The following NKAP variants were observed in gnomAD, a reference collection of about 807,000 sequenced individuals.
NKAP encodes the protein NFKB activating protein.
NKAP carries 4 observed loss-of-function variants against 35.6 expected under a neutral mutation model. That is an observed-to-expected ratio of 0.11 (90% CI 0.06 to 0.26). NKAP has a LOEUF of 0.26. Ranked by LOEUF, NKAP falls within the 10% of genes least tolerant of loss-of-function variation. NKAP has a pLI of 1.00. For missense variants in NKAP, 238 were observed against 321.9 expected (o/e 0.74, Z 1.99); for synonymous variants, 106 against 119.2 (o/e 0.89, Z 0.72).
intron 5 of NKAP, among the ~76,000 whole-genome samples, chrX:119,933,463 C>T (rs942597289): frequency 9.0e-6 from 1 of 111,611 alleles, no homozygotes; most frequent in African/African-American, 3.3e-5. Context: ...AGTATTCTTG[C>T]CCCAACTCAA....
At position 119,936,401 on chromosome X, in the gene NKAP, T is replaced by C. The variant is rs759889966; in HGVS notation, c.569A>G (p.Lys190Arg). The C allele has an allele frequency of 2.0e-5, 23 of 1,172,348 alleles. No homozygotes were observed. The highest frequency in any genetic ancestry group is 3.6e-5 in the African/African-American group (2 of 55,371). Residue 190 changes from lysine (K) to arginine (R), a missense_variant, in exon 4 of 9, where the codon AAA (lysine) becomes AGA (arginine). Lys to Arg is a conservative substitution (Grantham distance 26). Transcript: ENST00000371410. The stretch of plus-strand genomic sequence containing the variant: ...CTTTCTCCTTTTCTTGGACCTTTCT[T>C]TTGAACGGCTAGACTTCTTCTTTTT... ...EEKKKKSSRS[K>R]ERSKKRRKKK...
Position 119,943,592 on chromosome X carries a change from G to C in NKAP, c.14C>G (p.Ser5Cys), listed in dbSNP as rs747622402. The C allele has an allele frequency of 1.7e-6, 2 of 1,183,067 alleles. No individual in the cohort carries two copies. The highest frequency in any genetic ancestry group is 2.3e-5 in the Admixed American group (1 of 44,059). The change falls in exon 1 of 9, where the codon TCC becomes TGC. Residue 5 changes from serine to cysteine, a missense_variant. By Grantham distance (112) the Ser-to-Cys change is moderately radical. This residue lies in a region of NKAP where 123 missense variants were observed against 115.3 expected (regional missense o/e 1.07). Transcript: ENST00000371410. MAPV[S>C]GSRSPDREAS... ...CTCCCTATCCGGGCTGCGTGAGCCGGACACCGGAGCCATGGCTACTGGGGG... is the reference window on the plus strand; with the variant it reads ...CTCCCTATCCGGGCTGCGTGAGCCGCACACCGGAGCCATGGCTACTGGGGG...
At chrX:119,934,678 T>A in intron 4 of NKAP, 121 bp from the exon 5 acceptor site, 2 of 442,875 alleles carry the variant, frequency 4.5e-6, no homozygotes, top group Non-Finnish European at 7.5e-6. Flanking sequence ...ATTACCTCAT[T>A]GAAACATTTA....
chrX:119,931,852 T>TA (rs1238135110), intron 7 of NKAP, 84 bp downstream of exon 7: 22 of 707,592 alleles, frequency 3.1e-5, no homozygotes, highest in Non-Finnish European at 4.3e-5. Flanking sequence ...AATAAGGGAA[T>TA]AGAGTCAGAT....
chrX:119,922,550 A>C lies in NKAP; in HGVS notation c.*2670T>G, dbSNP rs2056692649. Reference sequence around the variant, plus strand: ...TGAGACCAGCCTGGGCAATAAGGTGAAACCTTGTCTCTACTAACTATACAA... The same window carrying C: ...TGAGACCAGCCTGGGCAATAAGGTGCAACCTTGTCTCTACTAACTATACAA... On this transcript the variant is annotated 3_prime_UTR_variant, in exon 9 of 9. Transcript: ENST00000371410. The C allele has an allele frequency of 9.0e-6, 1 of 110,842 alleles. No individual in the cohort carries two copies. Among genetic ancestry groups the C allele is most frequent in the African/African-American group, 3.3e-5 (1 of 30,525 alleles). 9.1% of individuals were successfully genotyped at this position (110,842 alleles called of 1,213,427 possible).
intron 8 of NKAP, among the ~76,000 whole-genome samples, chrX:119,926,939 T>G (rs2056717243): frequency 9.8e-6 from 1 of 102,037 alleles, no homozygotes; most frequent in Non-Finnish European, 2.0e-5. Context: ...TGGGCACCCG[T>G]AATCCCAGCT....
At chrX:119,941,871 C>T (rs762020344) in intron 1 of NKAP, among the ~76,000 whole-genome samples, 9 of 111,884 alleles carry the variant, frequency 8.0e-5, no homozygotes, top group Non-Finnish European at 1.5e-4. Flanking sequence ...TCAAGTGATC[C>T]TCCTGCCTTG....
Position 119,920,751 on chromosome X carries a change from A to G in NKAP, c.*4469T>C, listed in dbSNP as rs1187453446. 2.4e-6 allele frequency: 1 copy of G among 410,255 alleles called. No individual in the cohort carries two copies. Among genetic ancestry groups the G allele is most frequent in the Non-Finnish European group, 4.1e-6 (1 of 244,445 alleles). The allele number at this position is 410,255 out of a possible 1,213,427, so 33.8% of individuals were successfully genotyped here. ...ATTTTTTTGCATTCATTCATTTTCC[A>G]TTCTGCAACCTCCATCACATTAGCA... is the stretch of plus-strand genomic sequence containing the variant. On this transcript the variant is annotated 3_prime_UTR_variant, in exon 9 of 9. Coordinates refer to ENST00000371410, the MANE Select transcript of NKAP (RefSeq NM_024528.4).
chrX:119,925,947 A>ATTTTTTTTTTTT (rs1238211722), intron 8 of NKAP, among the ~76,000 whole-genome samples: 12 of 52,381 alleles, frequency 2.3e-4, no homozygotes, highest in Admixed American at 2.7e-4. Context: ...TTTTTTTTTA[A>ATTTTTTTTTTTT]TTTTTTTTTT....
intron 2 of NKAP, chrX:119,938,197 T>A (rs926952634): frequency 9.0e-6 from 1 of 111,217 alleles, no homozygotes; most frequent in African/African-American, 3.3e-5. Flanking sequence ...CTGGCCAACA[T>A]GGTGAAACCG....
In NKAP at chrX:119,943,552, C is replaced by T; in HGVS notation, c.54G>A (p.Gly18=). ...RSPDREASGS[G]GRRRSSSKSP... is the part of the protein sequence containing the mutation. ...TCTTCGACGAACTGCGACGTCTTCC[C>T]CCCGAGCCCGAGGCCTCCCTATCCG... The change falls in exon 1 of 9, where the codon GGG becomes GGA. Residue 18 remains glycine, a synonymous_variant. Coordinates refer to ENST00000371410, the MANE Select transcript of NKAP (RefSeq NM_024528.4). 1 of 1,203,884 alleles carries T rather than the reference C, an allele frequency of 8.3e-7. No homozygotes were observed. Among genetic ancestry groups the T allele is most frequent in the Admixed American group, 2.2e-5 (1 of 45,655 alleles).
chrX:119,931,740 T>C (rs904083870), intron 7 of NKAP, among the ~76,000 whole-genome samples, 196 bp downstream of exon 7: 1 of 110,189 alleles, frequency 9.1e-6, no homozygotes, highest in African/African-American at 3.3e-5. Context: ...AGGGAAGGCA[T>C]ACTGGATGAA....
intron 2 of NKAP, chrX:119,937,335 T>C (rs2147848830): frequency 9.0e-6 from 1 of 111,032 alleles, no homozygotes; most frequent in African/African-American, 3.3e-5. Context: ...TTTGGCTGGG[T>C]GCAGTGGCTC....
At position 119,936,597 on chromosome X, in the gene NKAP, T is replaced by C. The variant is rs775912028; in HGVS notation, c.538+15A>G. Reference sequence around the variant, plus strand: ...AATAGCTTGTATTTTAAAAATACCCTTTTTTTAAAAATACCTTCTGAAGTA... The same window carrying C: ...AATAGCTTGTATTTTAAAAATACCCCTTTTTTAAAAATACCTTCTGAAGTA... On this transcript the variant is annotated intron_variant, in intron 3 of 8. Transcript: ENST00000371410. 7.9e-6 allele frequency: 9 copies of C among 1,135,718 alleles called. No individual in the cohort carries two copies. The East Asian group carries it at 2.7e-4, about 35-fold the overall frequency. 93.6% of individuals were successfully genotyped at this position (1,135,718 alleles called of 1,213,427 possible). A position where few individuals can be genotyped will look rare whatever the true frequency, so the allele number is the denominator to read the frequency against.
intron 1 of NKAP, chrX:119,942,985 A>G: frequency 2.6e-6 from 1 of 380,203 alleles, no homozygotes; most frequent in Non-Finnish European, 4.5e-6. Context: ...CTAACAAGAC[A>G]GGAGGCGGAA....
chrX:119,940,354 C>CAAAAAAAAAAAAAA (rs386419406), intron 1 of NKAP, among the ~76,000 whole-genome samples: 1 of 69,014 alleles, frequency 1.4e-5, no homozygotes, highest in Non-Finnish European at 2.7e-5. Flanking sequence ...AATAAAAAAC[C>CAAAAAAAAAAAAAA]AAAAAAAAAA....
intron 1 of NKAP, 30 bp from the exon 2 acceptor site, chrX:119,938,840 T>G: frequency 1.9e-6 from 2 of 1,026,238 alleles, no homozygotes; most frequent in Non-Finnish European, 2.7e-6. Flanking sequence ...AAATTATAAC[T>G]CAATGGCTGA....
intron 1 of NKAP, among the ~76,000 whole-genome samples, chrX:119,942,570 G>A (rs1241479819): frequency 2.7e-5 from 3 of 111,630 alleles, no homozygotes; most frequent in African/African-American, 6.5e-5. Flanking sequence ...CATTTTTCGA[G>A]GTCAAGACTG....
chrX:119,942,301 T>G (rs766537474), intron 1 of NKAP, among the ~76,000 whole-genome samples: 14 of 110,607 alleles, frequency 1.3e-4, no homozygotes, highest in Non-Finnish European at 2.5e-4. Flanking sequence ...GGTGAAACCC[T>G]GTCTCTACCA....
Sources: allele counts gnomAD v4.1 joint callset (sites outside exome capture counted in the v4.1 genomes callset), GRCh38; gene constraint gnomAD v4.1.1; regional missense constraint gnomAD v4.1.1; transcripts MANE v1.5; gene names NCBI Gene and HGNC (gene_info 2026-07-23, HGNC 2026-07-21).